DYNC2I1: variants seen among roughly 807,000 people sequenced by gnomAD.
DYNC2I1 encodes dynein 2 intermediate chain 1, also known as cytoplasmic dynein 2 intermediate chain 1.
DYNC2I1 carries 89 observed loss-of-function variants against 133.4 expected under a neutral mutation model. That is an observed-to-expected ratio of 0.67 (90% CI 0.56 to 0.80). The LOEUF is 0.80. DYNC2I1 is among the 30% of genes least tolerant of loss of function. The probability of loss-of-function intolerance (pLI) is 0.00; values close to 1 mark genes in which losing one functional copy is unlikely to be tolerated. For synonymous variants in DYNC2I1, 504 were observed against 484.3 expected, an observed-to-expected ratio of 1.04 and a Z score of -0.54; for missense variants, 1,291 against 1,314.5, an observed-to-expected ratio of 0.98 and a Z score of 0.28.
intron 23 of DYNC2I1, among the ~76,000 whole-genome samples, chr7:158,937,963 TA>T (rs1279124301): frequency 6.6e-6 from 1 of 152,030 alleles, no homozygotes; most frequent in African/African-American, 2.4e-5. Flanking sequence ...GAATAAAGAC[TA>T]CCTACAAGAC....
intron 7 of DYNC2I1, among the ~76,000 whole-genome samples, chr7:158,889,036 TACACACACACACAC>T (rs71200077): frequency 4.2e-5 from 6 of 141,270 alleles, no homozygotes; most frequent in Non-Finnish European, 6.0e-5. Flanking sequence ...TTTAAACATT[TACACACACACACAC>T]ACACACACAC....
intron 4 of DYNC2I1, 133 bp downstream of exon 4, chr7:158,876,824 CT>C: frequency 8.4e-7 from 1 of 1,183,542 alleles, no homozygotes; most frequent in South Asian, 1.9e-5. Context: ...GCCTCCAGCA[CT>C]GTGTATAGTC....
chr7:158,915,385 CGACAT>C (rs112350963), intron 14 of DYNC2I1, among the ~76,000 whole-genome samples: 1 of 112,422 alleles, frequency 8.9e-6, no homozygotes, highest in Non-Finnish European at 1.9e-5. Context: ...TGTGAAACGT[CGACAT>C]GCTGGTTGAC....
At chr7:158,869,731 A>G (rs534518108) in intron 1 of DYNC2I1, 124 bp from the exon 2 acceptor site, 2 of 667,920 alleles carry the variant, frequency 3.0e-6, no homozygotes, top group East Asian at 2.8e-5. Context: ...GGAGGTAGAG[A>G]AGTATTTTCT....
intron 21 of DYNC2I1, among the ~76,000 whole-genome samples, chr7:158,932,822 T>TA (rs910484682): frequency 6.6e-6 from 1 of 151,966 alleles, no homozygotes; most frequent in African/African-American, 2.4e-5. Context: ...GGGTAGAACT[T>TA]AAAAAACCCA....
intron 17 of DYNC2I1, among the ~76,000 whole-genome samples, chr7:158,924,169 A>G (rs1013673482): frequency 3.3e-5 from 5 of 152,200 alleles, no homozygotes; most frequent in African/African-American, 1.2e-4. Flanking sequence ...CCCAGCCACC[A>G]CAGTAGGCAC....
At chr7:158,909,330 C>CAAAAAA (rs66565045) in intron 11 of DYNC2I1, among the ~76,000 whole-genome samples, 6 of 46,734 alleles carry the variant, frequency 1.3e-4, no homozygotes, top group East Asian at 5.2e-4. Flanking sequence ...GACTCTGTCT[C>CAAAAAA]AAAAAAAAAA....
rs1390787073 is a variant in DYNC2I1, at chr7:158,930,400, AT to A, written c.2486-51del. On this transcript the variant is annotated intron_variant, in intron 20 of 24. Transcript: ENST00000407559. ...AATGATTCCAGGCAACTATAACTAG[AT>A]TTTGATTTAGCTTCTATTGAAAGGT... 1.3e-5 allele frequency: 19 copies of A among 1,472,548 alleles called. No individual in the cohort carries two copies. The Admixed American group carries it at 3.6e-4, about 28-fold the overall frequency. 91.2% of individuals were successfully genotyped at this position (1,472,548 alleles called of 1,614,324 possible).
chr7:158,939,874 G>A (rs1585244927), intron 23 of DYNC2I1, among the ~76,000 whole-genome samples: 1 of 151,976 alleles, frequency 6.6e-6, no homozygotes, highest in East Asian at 1.9e-4. Context: ...GACAAAAAGG[G>A]GTCTATATAT....
chr7:158,885,049 G>A (rs1173837014), intron 6 of DYNC2I1, among the ~76,000 whole-genome samples: 1 of 152,094 alleles, frequency 6.6e-6, no homozygotes, highest in South Asian at 2.1e-4. Context: ...TCCGCAGGTG[G>A]GCAGTTTTGC....
chr7:158,870,563 G>A (rs1279730958), intron 2 of DYNC2I1, among the ~76,000 whole-genome samples: 3 of 150,800 alleles, frequency 2.0e-5, no homozygotes, highest in Non-Finnish European at 2.9e-5. Context: ...GGAGAGATGG[G>A]GATCTTGCTA....
At chr7:158,850,823 T>G in the DYNC2I1 span, among the ~76,000 whole-genome samples, 1 of 152,096 alleles carries the variant, frequency 6.6e-6, no homozygotes, top group Non-Finnish European at 1.5e-5. Flanking sequence ...ATAGTTTACA[T>G]AGGATCTTGT....
At chr7:158,943,341 G>T (rs546013006) in intron 24 of DYNC2I1, among the ~76,000 whole-genome samples, 7 of 152,174 alleles carry the variant, frequency 4.6e-5, no homozygotes, top group African/African-American at 1.7e-4. Context: ...TGTGTGCCTG[G>T]CGGCCGGGGC....
rs773142802 is a variant in DYNC2I1 at position 158,884,603 on chromosome 7, G to A, written c.919G>A (p.Asp307Asn). 1.2e-6 allele frequency: 2 copies of A among 1,613,182 alleles called. No homozygotes were observed. Among genetic ancestry groups the A allele is most frequent in the East Asian group, 4.5e-5 (2 of 44,850 alleles). ...HRNRGASSKR[D>N]GTSSQHAENL... The stretch of plus-strand genomic sequence containing the variant: ...AAATCGAGGTGCAAGCTCAAAAAGA[G>A]ATGGGACCAGCAGCCAGTAAGGATT... The change falls in exon 6 of 25, where the codon GAT becomes AAT. Residue 307 changes from aspartate (D) to asparagine (N), a missense_variant. By Grantham distance (23) the Asp-to-Asn change is conservative (BLOSUM62 1). Transcript: ENST00000407559.
At chr7:158,855,470 A>G (rs1841167413), upstream of DYNC2I1, among the ~76,000 whole-genome samples, 1 of 152,230 alleles carries the variant, frequency 6.6e-6, no homozygotes, top group Non-Finnish European at 1.5e-5. Flanking sequence ...CCAGCTGCAT[A>G]TTAGAAACTA....
At chr7:158,874,896 G>A (rs891539390) in intron 3 of DYNC2I1, among the ~76,000 whole-genome samples, 3 of 152,068 alleles carry the variant, frequency 2.0e-5, no homozygotes, top group Non-Finnish European at 4.4e-5. Context: ...TGTCCTGCAG[G>A]CTTGCCTGTC....
At chr7:158,924,560 C>G (rs1367127678) in intron 17 of DYNC2I1, among the ~76,000 whole-genome samples, 1 of 152,208 alleles carries the variant, frequency 6.6e-6, no homozygotes, top group African/African-American at 2.4e-5. Flanking sequence ...AATACTACTA[C>G]TTACTGTTAA....
chr7:158,865,617 G>A (rs1452147683), intron 1 of DYNC2I1, among the ~76,000 whole-genome samples: 3 of 152,152 alleles, frequency 2.0e-5, no homozygotes, highest in Non-Finnish European at 2.9e-5. Flanking sequence ...TGATGGTTTT[G>A]CTGCTTAGCT....
chr7:158,914,327 C>T lies in DYNC2I1; in HGVS notation c.1791+6C>T, dbSNP rs1238645421. 8 of 1,606,244 alleles carry T rather than the reference C, an allele frequency of 5.0e-6. No individual in the cohort carries two copies. In the East Asian group the frequency reaches 6.7e-5, roughly 13 times the overall value. On this transcript the variant is annotated splice_donor_region_variant and intron_variant, in intron 14 of 24. Transcript: ENST00000407559. ...TTCTGCGGGCTGCTTGTCAGGTATACTCAACCTATATATGTTGTGTTCTCT... is the reference window on the plus strand; with the variant it reads ...TTCTGCGGGCTGCTTGTCAGGTATATTCAACCTATATATGTTGTGTTCTCT...
Sources: gnomAD v4.1 joint callset for allele counts (sites outside exome capture counted in the v4.1 genomes callset) on GRCh38, gnomAD v4.1.1 for gene constraint, MANE v1.5 for transcripts, NCBI Gene and HGNC (gene_info 2026-07-23, HGNC 2026-07-21) for gene names.